The following PKNOX2 variants were observed in gnomAD, a reference collection of about 807,000 sequenced individuals.
PKNOX2 encodes the protein homeobox protein PKNOX2.
Under a neutral mutation model 53.1 loss-of-function variants are expected in PKNOX2, and 14 were observed. The ratio of observed to expected loss-of-function variants is 0.26; its 90% CI spans 0.17 to 0.41. PKNOX2 has a LOEUF of 0.41. Among genes scored for constraint, PKNOX2 ranks in the 10% least tolerant of loss-of-function variants. The pLI is 1.00. For missense variants in PKNOX2, 496 were observed against 602.8 expected, an observed-to-expected ratio of 0.82 and a Z score of 1.85; for synonymous variants, 257 against 242.8, an observed-to-expected ratio of 1.06 and a Z score of -0.54.
At position 125,389,001 on chromosome 11, in the gene PKNOX2, C is replaced by T. The variant is rs188644952; in HGVS notation, c.399+3279C>T. Among the ~76,000 whole-genome samples the T allele has an allele frequency of 8.1e-4, 124 of 152,310 alleles. 1 individual carries two copies. In the East Asian group the frequency reaches 0.016, roughly 20 times the overall value. Reference sequence around the variant, plus strand: ...CATGAGGCTAGGAGTTCGAGACCAGCCTGGCCAACATGGCGAAACCTCGTC... The same window carrying T: ...CATGAGGCTAGGAGTTCGAGACCAGTCTGGCCAACATGGCGAAACCTCGTC... On this transcript the variant is annotated intron_variant, in intron 6 of 12. Coordinates refer to ENST00000298282, the MANE Select transcript of PKNOX2 (RefSeq NM_001382323.2).
At chr11:125,254,641 G>C (rs144038241) in intron 2 of PKNOX2, among the ~76,000 whole-genome samples, 1 of 152,182 alleles carries the variant, frequency 6.6e-6, no homozygotes, top group African/African-American at 2.4e-5. Context: ...GATCACAACC[G>C]CATTGTGACA....
chr11:125,290,122 A>T (rs111814926), intron 2 of PKNOX2, among the ~76,000 whole-genome samples: 14 of 152,268 alleles, frequency 9.2e-5, no homozygotes, highest in African/African-American at 3.1e-4. Flanking sequence ...CTAAAGGGGA[A>T]TGAGGTCTCT....
intron 5 of PKNOX2, among the ~76,000 whole-genome samples, chr11:125,372,011 C>T (rs1379039982): frequency 6.6e-6 from 1 of 152,200 alleles, no homozygotes; most frequent in African/African-American, 2.4e-5. Context: ...AGGACAGGGT[C>T]TGCGTCTGTC....
intron 1 of PKNOX2, among the ~76,000 whole-genome samples, chr11:125,189,447 G>GTGTGTGTGTATATA (rs1256963392): frequency 4.3e-5 from 1 of 23,462 alleles, no homozygotes; most frequent in African/African-American, 1.6e-4. Flanking sequence ...GTGTGTGTGT[G>GTGTGTGTGTATATA]TATATATATA....
chr11:125,402,355 T>C (rs1024220698), intron 7 of PKNOX2, among the ~76,000 whole-genome samples: 1 of 152,110 alleles, frequency 6.6e-6, no homozygotes, highest in Non-Finnish European at 1.5e-5. Flanking sequence ...CTACTCTGGG[T>C]TCTCCTGTCC....
chr11:125,353,102 T>C (rs1196808392), intron 4 of PKNOX2, among the ~76,000 whole-genome samples: 2 of 152,224 alleles, frequency 1.3e-5, no homozygotes, highest in Non-Finnish European at 2.9e-5. Context: ...CACATATCGA[T>C]TAAGTGGTGG....
chr11:125,291,015 T>C (rs1390581882), intron 2 of PKNOX2, among the ~76,000 whole-genome samples: 4 of 152,186 alleles, frequency 2.6e-5, no homozygotes, highest in African/African-American at 7.2e-5. Context: ...TACACCCCGA[T>C]ACCATGTCAT....
At position 125,398,039 on chromosome 11, in the gene PKNOX2, C is replaced by A; in HGVS notation, c.565C>A (p.Pro189Thr). The A allele has an allele frequency of 6.2e-7, 1 of 1,612,306 alleles. No homozygotes were observed. Among genetic ancestry groups the A allele is most frequent in the Non-Finnish European group, 8.5e-7 (1 of 1,179,046 alleles). ...DLGGPYSPNQ[P>T]SINLHSQDLL... The stretch of plus-strand genomic sequence containing the variant: ...AGGGGGGCCCTACTCCCCCAACCAG[C>A]CCTCCATCAACCTTCACTCACAGGT... The change falls in exon 7 of 13, where the codon CCC (proline) becomes ACC (threonine). Residue 189 changes from proline to threonine, a missense_variant. This residue lies in a region of PKNOX2 where 141 missense variants were observed against 143.9 expected (regional missense o/e 0.98). Coordinates refer to ENST00000298282, the MANE Select transcript of PKNOX2 (RefSeq NM_001382323.2).
At chr11:125,297,244 C>A (rs1947718045) in intron 2 of PKNOX2, among the ~76,000 whole-genome samples, 1 of 152,172 alleles carries the variant, frequency 6.6e-6, no homozygotes, top group African/African-American at 2.4e-5. Context: ...ACTGAGAGTT[C>A]AGAATGGAGG....
chr11:125,299,757 C>T (rs10466539), intron 2 of PKNOX2, among the ~76,000 whole-genome samples: 3 of 151,838 alleles, frequency 2.0e-5, no homozygotes, highest in African/African-American at 4.8e-5. Context: ...AGAGGGTGAG[C>T]GTTGGGGATA....
chr11:125,385,886 C>A (rs1262906260), intron 6 of PKNOX2, among the ~76,000 whole-genome samples, 164 bp downstream of exon 6: 1 of 152,236 alleles, frequency 6.6e-6, no homozygotes, highest in East Asian at 1.9e-4. Flanking sequence ...ACAACCATTT[C>A]TAAGTGCCTT....
At chr11:125,248,887 CAT>C (rs1259357108) in intron 2 of PKNOX2, among the ~76,000 whole-genome samples, 1 of 123,556 alleles carries the variant, frequency 8.1e-6, no homozygotes, top group Non-Finnish European at 1.7e-5. Flanking sequence ...ATATATATAA[CAT>C]ATATAATATA....
intron 2 of PKNOX2, among the ~76,000 whole-genome samples, chr11:125,305,770 G>A (rs1197952431): frequency 6.6e-6 from 1 of 152,144 alleles, no homozygotes; most frequent in Non-Finnish European, 1.5e-5. Context: ...GAAGTGTGGT[G>A]GTTATGACAC....
intron 1 of PKNOX2, among the ~76,000 whole-genome samples, chr11:125,213,593 G>C (rs1031270016): frequency 6.6e-6 from 1 of 151,990 alleles, no homozygotes; most frequent in Non-Finnish European, 1.5e-5. Context: ...GAGTAGCTGG[G>C]ACTACAGGCA....
chr11:125,424,177 G>A (rs948728900), intron 10 of PKNOX2, among the ~76,000 whole-genome samples: 1 of 151,974 alleles, frequency 6.6e-6, no homozygotes, highest in Admixed American at 6.6e-5. Context: ...TGACCTGGGG[G>A]TGGTTACATG....
chr11:125,208,212 G>T (rs1417732317), intron 1 of PKNOX2, among the ~76,000 whole-genome samples: 1 of 152,000 alleles, frequency 6.6e-6, no homozygotes, highest in Non-Finnish European at 1.5e-5. Context: ...AGATAGAAGG[G>T]ATATGCAAAG....
chr11:125,327,350 G>A (rs1818662936), intron 2 of PKNOX2, among the ~76,000 whole-genome samples: 1 of 152,216 alleles, frequency 6.6e-6, no homozygotes, highest in African/African-American at 2.4e-5. Flanking sequence ...GGGAGGTCGT[G>A]AGGACAGAGG....
intron 6 of PKNOX2, among the ~76,000 whole-genome samples, chr11:125,394,421 G>A (rs557758303): frequency 4.2e-4 from 64 of 152,288 alleles, no homozygotes; most frequent in African/African-American, 1.5e-3. Flanking sequence ...ACACACAATC[G>A]CTGCTTTCTG....
intron 2 of PKNOX2, among the ~76,000 whole-genome samples, chr11:125,313,769 TA>T (rs1948976876): frequency 6.6e-6 from 1 of 152,166 alleles, no homozygotes; most frequent in Non-Finnish European, 1.5e-5. Flanking sequence ...GAAATGAAAT[TA>T]AACATTCAGT....
Sources: gnomAD v4.1 joint callset for allele counts (sites outside exome capture counted in the v4.1 genomes callset) on GRCh38, gnomAD v4.1.1 for gene constraint, gnomAD v4.1.1 regional missense constraint, MANE v1.5 for transcripts, NCBI Gene and HGNC (gene_info 2026-07-23, HGNC 2026-07-21) for gene names.